WASHC5: variants seen among roughly 807,000 people sequenced by gnomAD.
WASHC5 encodes the protein WASH complex subunit strumpellin.
A neutral mutation model predicts 150.4 loss-of-function variants in WASHC5; 101 were observed. The ratio of observed to expected loss-of-function variants is 0.67; its 90% CI spans 0.57 to 0.79. The LOEUF (loss-of-function observed/expected upper bound fraction) is 0.79. WASHC5 is among the 30% of genes least tolerant of loss of function. WASHC5 has a pLI of 0.00. For missense variants in WASHC5, 1,195 were observed against 1,396.3 expected (o/e 0.86, Z 2.30); for synonymous variants, 467 against 491.2 (o/e 0.95, Z 0.65).
Position 125,061,239 on chromosome 8 carries a change from G to A in WASHC5, c.1409-45C>T, listed in dbSNP as rs749878346. The A allele has an allele frequency of 4.8e-6, 5 of 1,039,916 alleles. No homozygotes were observed. The East Asian group carries it at 9.7e-5, about 20-fold the overall frequency. 64.4% of individuals were successfully genotyped at this position (1,039,916 alleles called of 1,614,324 possible). On this transcript the variant is annotated intron_variant, in intron 11 of 28. Transcript: ENST00000318410. ...AAAATACTGAAATCCTCGAATTCCT[G>A]TAGCTGTGGCTTTGAATTTAACTAA...
At chr8:125,073,420 T>A (rs1816961044) in intron 8 of WASHC5, 96 bp from the exon 9 acceptor site, 4 of 1,026,382 alleles carry the variant, frequency 3.9e-6, no homozygotes, top group Non-Finnish European at 6.0e-6. Context: ...GTAACATTTC[T>A]ATATAGGATG....
At chr8:125,030,041 G>T (rs1815482373) in intron 27 of WASHC5, among the ~76,000 whole-genome samples, 1 of 152,132 alleles carries the variant, frequency 6.6e-6, no homozygotes, top group Non-Finnish European at 1.5e-5. Flanking sequence ...CTTACAGCTG[G>T]TCTCCTGTAG....
intron 25 of WASHC5, among the ~76,000 whole-genome samples, chr8:125,038,120 G>A (rs911052191): frequency 5.9e-5 from 9 of 152,194 alleles, no homozygotes; most frequent in African/African-American, 2.2e-4. Flanking sequence ...TTGTTATGCA[G>A]TAAATATTCA....
At chr8:125,063,401 A>C in intron 11 of WASHC5, 121 bp downstream of exon 11, 1 of 1,101,394 alleles carries the variant, frequency 9.1e-7, no homozygotes, top group Non-Finnish European at 1.4e-6. Context: ...AACACTAAAG[A>C]TGGAATATCA....
intron 12 of WASHC5, among the ~76,000 whole-genome samples, chr8:125,060,722 T>TC (rs1231833565): frequency 1.5e-4 from 23 of 152,140 alleles, no homozygotes; most frequent in Admixed American, 1.5e-3. Flanking sequence ...TCTGGTTTTT[T>TC]CCCCCAAGGC....
At chr8:125,085,739 G>T (rs1053894670) in intron 1 of WASHC5, among the ~76,000 whole-genome samples, 5 of 152,180 alleles carry the variant, frequency 3.3e-5, no homozygotes, top group African/African-American at 1.2e-4. Context: ...TAGCAGGGGT[G>T]AGCAGATGGT....
At position 125,083,252 on chromosome 8, in the gene WASHC5, C is replaced by T; in HGVS notation, c.193G>A (p.Glu65Lys). 1.2e-5 allele frequency: 19 copies of T among 1,612,928 alleles called. No individual in the cohort carries two copies. The highest frequency in any genetic ancestry group is 1.6e-5 in the Non-Finnish European group (19 of 1,179,374). Residue 65 changes from glutamate (E) to lysine (K), a missense_variant, in exon 3 of 29, where the codon GAA becomes AAA. Physicochemically the swap from Glu to Lys is moderately conservative, Grantham distance 56 (BLOSUM62 1). Around this residue, in one of 3 missense-constraint regions of WASHC5, gnomAD observed 195 missense variants for 206.9 expected, o/e 0.94. Coordinates refer to ENST00000318410, the MANE Select transcript of WASHC5 (RefSeq NM_014846.4). ...GCATCCAGTTTGCTTTCCCATAATT[C>T]TGGACCCTGAGAAAAAAAAACACAT... ...IFDFSYFKGPELWESKLDAKP... is the reference protein window; with the variant it reads ...IFDFSYFKGPKLWESKLDAKP...
chr8:125,029,802 TAACA>T (rs1222120025), intron 27 of WASHC5, among the ~76,000 whole-genome samples: 2 of 152,210 alleles, frequency 1.3e-5, no homozygotes, highest in Non-Finnish European at 2.9e-5. Context: ...ATTTTCTGAT[TAACA>T]AATAACTTTT....
chr8:125,060,703 G>A (rs1338340702), intron 12 of WASHC5, among the ~76,000 whole-genome samples: 1 of 151,950 alleles, frequency 6.6e-6, no homozygotes, highest in East Asian at 1.9e-4. Context: ...TCATTTTTGT[G>A]TATTCCTTTC....
At chr8:125,038,240 C>T (rs138353050) in intron 25 of WASHC5, among the ~76,000 whole-genome samples, 346 of 152,162 alleles carry the variant, frequency 2.3e-3, no homozygotes, top group African/African-American at 8.1e-3. Context: ...TAGGGGCTGG[C>T]GTAATGCACT....
intron 12 of WASHC5, among the ~76,000 whole-genome samples, chr8:125,059,867 C>T (rs978376454): frequency 2.0e-5 from 3 of 151,884 alleles, no homozygotes; most frequent in African/African-American, 7.3e-5. Context: ...ACTGAAGATG[C>T]CTGGGTTATA....
chr8:125,083,303 G>A (rs777073123), intron 2 of WASHC5, 45 bp from the exon 3 acceptor site: 1 of 1,572,482 alleles, frequency 6.4e-7, no homozygotes, highest in Non-Finnish European at 8.7e-7. Context: ...AAGCATACTT[G>A]TTGGTGACAA....
intron 27 of WASHC5, 44 bp from the exon 28 acceptor site, chr8:125,028,751 C>T (rs1246170131): frequency 7.5e-7 from 1 of 1,338,996 alleles, no homozygotes. Context: ...CTTTGCACAT[C>T]ATAAGCCCTT....
At chr8:125,042,477 ATT>A (rs976549152) in intron 23 of WASHC5, among the ~76,000 whole-genome samples, 6 of 151,998 alleles carry the variant, frequency 3.9e-5, no homozygotes, top group Non-Finnish European at 7.4e-5. Context: ...AAAAAGACAA[ATT>A]TGTCCTTTGG....
At chr8:125,042,423 T>C (rs1815918747) in intron 23 of WASHC5, among the ~76,000 whole-genome samples, 1 of 152,202 alleles carries the variant, frequency 6.6e-6, no homozygotes, top group East Asian at 1.9e-4. Context: ...TTGTTCCAGA[T>C]TATTAACACT....
At position 125,024,623 on chromosome 8, in the gene WASHC5, C is replaced by T. The variant is rs1326581266; in HGVS notation, c.3474G>A (p.Val1158=). The stretch of plus-strand genomic sequence containing the variant: ...GAAGAAGTAGGAAAAACAGTTACAG[C>T]ACTGTTCTGAACTCATCAAAAATGA... ...PNFIFDEFRT[V]L is the part of the protein sequence containing the mutation. Residue 1158 remains valine, a synonymous_variant, in exon 29 of 29, where the codon GTG becomes GTA. Coordinates refer to ENST00000318410, the MANE Select transcript of WASHC5 (RefSeq NM_014846.4). The T allele has an allele frequency of 1.9e-6, 3 of 1,605,854 alleles. No homozygotes were observed. In the African/African-American group the frequency reaches 4.0e-5, roughly 21 times the overall value.
intron 1 of WASHC5, among the ~76,000 whole-genome samples, chr8:125,085,780 G>C (rs1002960388): frequency 6.6e-6 from 1 of 152,174 alleles, no homozygotes; most frequent in African/African-American, 2.4e-5. Flanking sequence ...AGAAGGAAGC[G>C]AGAAAGACTT....
chr8:125,059,713 A>T (rs1333335343), intron 12 of WASHC5, among the ~76,000 whole-genome samples, 171 bp from the exon 13 acceptor site: 1 of 152,230 alleles, frequency 6.6e-6, no homozygotes, highest in African/African-American at 2.4e-5. Context: ...AAAAATGCAC[A>T]AGTTTCTAGG....
chr8:125,091,052 T>C (rs1347579753), intron 1 of WASHC5, among the ~76,000 whole-genome samples: 2 of 152,108 alleles, frequency 1.3e-5, no homozygotes, highest in African/African-American at 2.4e-5. Flanking sequence ...CCCAGTTTTA[T>C]GGCTCTGTGA....
Sources: gnomAD v4.1 joint callset for allele counts (sites outside exome capture counted in the v4.1 genomes callset) on GRCh38, gnomAD v4.1.1 for gene constraint, gnomAD v4.1.1 regional missense constraint, MANE v1.5 for transcripts, NCBI Gene and HGNC (gene_info 2026-07-23, HGNC 2026-07-21) for gene names.